SLCO4A1: variants seen among roughly 807,000 people sequenced by gnomAD.
The protein encoded by SLCO4A1 is colon organic anion transporter.
In SLCO4A1, 51 loss-of-function variants were observed where a neutral mutation model predicts 64.6. That is an observed-to-expected ratio of 0.79 (90% CI 0.63 to 1.00). The LOEUF is 1.00. Among genes scored for constraint, SLCO4A1 ranks in the 50% least tolerant of loss-of-function variants. The pLI, the probability that SLCO4A1 is intolerant of heterozygous loss-of-function variation, is 0.00. For missense variants in SLCO4A1, 919 were observed against 980.5 expected, an observed-to-expected ratio of 0.94 and a Z score of 0.84; for synonymous variants, 471 against 444.9, an observed-to-expected ratio of 1.06 and a Z score of -0.74.
downstream of SLCO4A1, among the ~76,000 whole-genome samples, chr20:62,675,167 C>G (rs1461337536): frequency 6.6e-6 from 1 of 152,172 alleles, no homozygotes; most frequent in Admixed American, 6.5e-5. Context: ...GGCTCCCGCC[C>G]AGGATGGAGG....
chr20:62,658,912 G>A, intron 3 of SLCO4A1, 145 bp downstream of exon 3: 3 of 697,868 alleles, frequency 4.3e-6, no homozygotes, highest in Non-Finnish European at 7.3e-6. Flanking sequence ...AGTCAAGGCT[G>A]GCCTTGGCTC....
In SLCO4A1 at chr20:62,668,933, G is replaced by A. The variant is rs1254671533; in HGVS notation, c.1880G>A (p.Gly627Asp). 4 of 1,602,848 alleles carry A rather than the reference G, an allele frequency of 2.5e-6. No homozygotes were observed. The highest frequency in any genetic ancestry group is 3.4e-6 in the Non-Finnish European group (4 of 1,179,724). ...IQWIVVRILGGIPGPIAFGWV... is the reference protein window; with the variant it reads ...IQWIVVRILGDIPGPIAFGWV... ...CTGAGTGGGCTTCTCTCCGCAGGGG[G>A]CATCCCGGGGCCCATCGCCTTCGGC... The change falls in exon 11 of 12, where the codon GGC (glycine) becomes GAC (aspartate). Residue 627 changes from glycine to aspartate, a missense_variant. Physicochemically the swap from Gly to Asp is moderately conservative, Grantham distance 94. Coordinates refer to ENST00000217159, the MANE Select transcript of SLCO4A1 (RefSeq NM_016354.4).
rs573610600 is a variant in SLCO4A1, at chr20:62,666,552, C to A, written c.1449C>A (p.Gly483=). Residue 483 remains glycine, a synonymous_variant, in exon 7 of 12, where the codon GGC becomes GGA. Transcript: ENST00000217159. ...SLHCPSVPMA[G]VTASYGGSLL... is the part of the protein sequence containing the mutation. ...ACTGCCCCAGTGTGCCCATGGCGGGCGTCACAGCCAGCTACGGCGGGAGGT... is the reference window on the plus strand; with the variant it reads ...ACTGCCCCAGTGTGCCCATGGCGGGAGTCACAGCCAGCTACGGCGGGAGGT... 6.2e-7 allele frequency: 1 copy of A among 1,612,742 alleles called. No individual in the cohort carries two copies. The highest frequency in any genetic ancestry group is 2.2e-5 in the East Asian group (1 of 44,876).
At position 62,671,730 on chromosome 20, in the gene SLCO4A1, G is replaced by T. The variant is rs1308021800; in HGVS notation, c.2026-20G>T. On this transcript the variant is annotated intron_variant, in intron 11 of 11. Coordinates refer to ENST00000217159, the MANE Select transcript of SLCO4A1 (RefSeq NM_016354.4). ...CTGGCCGAGCTCCCCACGAGGTCCAGCGGGCTCCTCTCTCCCCAGGTGCTG... is the reference window on the plus strand; with the variant it reads ...CTGGCCGAGCTCCCCACGAGGTCCATCGGGCTCCTCTCTCCCCAGGTGCTG... The T allele has an allele frequency of 1.2e-6, 2 of 1,609,042 alleles. No individual in the cohort carries two copies. The highest frequency in any genetic ancestry group is 2.2e-5 in the South Asian group (2 of 90,922).
intron 1 of SLCO4A1, chr20:62,643,140 G>T (rs1305861330): frequency 4.7e-6 from 2 of 421,852 alleles, no homozygotes; most frequent in Non-Finnish European, 9.9e-6. Flanking sequence ...CGGGCGGAGC[G>T]CACAGGGCTA....
chr20:62,650,935 T>A lies in SLCO4A1; in HGVS notation c.-96-5424T>A, dbSNP rs1297358512. ...TCTCCAGGCAGAGTTCTCATCCCTCTGGCTCACCAGCTCAGAACGGCACGC... is the reference window on the plus strand; with the variant it reads ...TCTCCAGGCAGAGTTCTCATCCCTCAGGCTCACCAGCTCAGAACGGCACGC... On this transcript the variant is annotated intron_variant, in intron 1 of 11. Transcript: ENST00000217159. Among the ~76,000 whole-genome samples, 3 of 152,214 alleles carry A rather than the reference T, an allele frequency of 2.0e-5. No individual in the cohort carries two copies. The East Asian group carries it at 5.8e-4, about 29-fold the overall frequency.
At position 62,656,249 on chromosome 20, in the gene SLCO4A1, C is replaced by T. The variant is rs760401711; in HGVS notation, c.-96-110C>T. The T allele has an allele frequency of 2.0e-5, 11 of 543,720 alleles. No homozygotes were observed. The East Asian group carries it at 3.0e-4, about 15-fold the overall frequency. 33.7% of individuals were successfully genotyped at this position (543,720 alleles called of 1,614,324 possible). A position where few individuals can be genotyped will look rare whatever the true frequency, so the allele number is the denominator to read the frequency against. Reference sequence around the variant, plus strand: ...GATTTGGGAGGCTCTTGAGACAAGGCAGGCAGAGCTTTGAGCCACCCCCGT... The same window carrying T: ...GATTTGGGAGGCTCTTGAGACAAGGTAGGCAGAGCTTTGAGCCACCCCCGT... On this transcript the variant is annotated intron_variant, in intron 1 of 11. Coordinates refer to ENST00000217159, the MANE Select transcript of SLCO4A1 (RefSeq NM_016354.4).
Position 62,658,679 on chromosome 20 carries a change from A to G in SLCO4A1, c.799A>G (p.Ile267Val), listed in dbSNP as rs1278056594. 10 of 1,610,074 alleles carry G rather than the reference A, an allele frequency of 6.2e-6. No homozygotes were observed. Among genetic ancestry groups the G allele is most frequent in the Non-Finnish European group, 8.5e-6 (10 of 1,178,678 alleles). Residue 267 changes from isoleucine to valine, a missense_variant and splice_region_variant, in exon 3 of 12, where the codon ATC becomes GTC. Coordinates refer to ENST00000217159, the MANE Select transcript of SLCO4A1 (RefSeq NM_016354.4). Reference sequence around the variant, plus strand: ...TGACGCCTCTGCCTCTCTCGCAGCCATCTTCTACACAGCGGCCATCCTGGG... The same window carrying G: ...TGACGCCTCTGCCTCTCTCGCAGCCGTCTTCTACACAGCGGCCATCCTGGG... The part of the protein sequence containing the change: ...KSSCSPVYIA[I>V]FYTAAILGPA...
At position 62,657,261 on chromosome 20, in the gene SLCO4A1, C is replaced by T. The variant is rs747028056; in HGVS notation, c.796+11C>T. 6.0e-6 allele frequency: 9 copies of T among 1,510,626 alleles called. No individual in the cohort carries two copies. In the South Asian group the frequency reaches 1.1e-4, roughly 19 times the overall value. The allele number at this position is 1,510,626 out of a possible 1,614,324, so 93.6% of individuals were successfully genotyped here. Reference sequence around the variant, plus strand: ...CGCCCGTCTACATTGGTGAGTGGGGCTGGCGGGGTAAGTGCTGGCAGGGGT... The same window carrying T: ...CGCCCGTCTACATTGGTGAGTGGGGTTGGCGGGGTAAGTGCTGGCAGGGGT... On this transcript the variant is annotated intron_variant, in intron 2 of 11. Transcript: ENST00000217159.
downstream of SLCO4A1, among the ~76,000 whole-genome samples, chr20:62,675,232 A>T (rs567296199): frequency 1.3e-5 from 2 of 152,180 alleles, no homozygotes; most frequent in African/African-American, 4.8e-5. Flanking sequence ...TGGGCTGCTC[A>T]TCGGCATTGC....
chr20:62,672,869 C>T (rs559356537), downstream of SLCO4A1, among the ~76,000 whole-genome samples: 164 of 152,314 alleles, frequency 1.1e-3, 1 homozygote, highest in African/African-American at 3.9e-3. Flanking sequence ...GCCCCAGGGC[C>T]TCTCTGAGGA....
chr20:62,654,224 C>T (rs901081112), intron 1 of SLCO4A1, among the ~76,000 whole-genome samples: 6 of 152,156 alleles, frequency 3.9e-5, no homozygotes, highest in Non-Finnish European at 7.3e-5. Flanking sequence ...TTCTCTGTGT[C>T]ATCTTCTCCT....
At chr20:62,654,961 C>T (rs1475136224) in intron 1 of SLCO4A1, among the ~76,000 whole-genome samples, 1 of 152,206 alleles carries the variant, frequency 6.6e-6, no homozygotes, top group Non-Finnish European at 1.5e-5. Flanking sequence ...ATGGTCTGCA[C>T]ATCCACATTC....
At chr20:62,674,827 CTA>C (rs1987511954), downstream of SLCO4A1, among the ~76,000 whole-genome samples, 2 of 152,238 alleles carry the variant, frequency 1.3e-5, no homozygotes, top group Admixed American at 1.3e-4. Context: ...CCTCTCTCCT[CTA>C]TGTGCTGACA....
At chr20:62,667,971 T>C (rs1467562188) in intron 8 of SLCO4A1, 41 bp from the exon 9 acceptor site, 3 of 1,613,678 alleles carry the variant, frequency 1.9e-6, no homozygotes, top group African/African-American at 2.7e-5. Context: ...GGGGCCCCCG[T>C]GCCTTCCCCT....
intron 2 of SLCO4A1, among the ~76,000 whole-genome samples, chr20:62,682,198 C>T (rs1297298019): frequency 6.6e-6 from 1 of 152,188 alleles, no homozygotes; most frequent in Non-Finnish European, 1.5e-5. Flanking sequence ...GTTCACAGCT[C>T]TTCAGATGGA....
intron 7 of SLCO4A1, among the ~76,000 whole-genome samples, chr20:62,667,326 G>A (rs906186969): frequency 1.3e-5 from 2 of 152,228 alleles, no homozygotes; most frequent in African/African-American, 4.8e-5. Context: ...ACGTGCAGAC[G>A]ACCCCTGCAA....
intron 11 of SLCO4A1, among the ~76,000 whole-genome samples, chr20:62,670,586 A>G (rs1398297360): frequency 6.6e-6 from 1 of 152,206 alleles, no homozygotes; most frequent in Non-Finnish European, 1.5e-5. Flanking sequence ...CAGGGGTCTC[A>G]GTGTCTGCGG....
At chr20:62,667,267 T>C (rs1986522430) in intron 7 of SLCO4A1, among the ~76,000 whole-genome samples, 1 of 152,178 alleles carries the variant, frequency 6.6e-6, no homozygotes, top group African/African-American at 2.4e-5. Context: ...CGCAGTGTGC[T>C]CTGATTCAAG....
Sources: allele counts gnomAD v4.1 joint callset (sites outside exome capture counted in the v4.1 genomes callset), GRCh38; gene constraint gnomAD v4.1.1; transcripts MANE v1.5; gene names NCBI Gene and HGNC (gene_info 2026-07-23, HGNC 2026-07-21).